GPHN: variants seen among roughly 807,000 people sequenced by gnomAD.
The protein encoded by GPHN is gephyrin.
Under a neutral mutation model 95.5 loss-of-function variants are expected in GPHN, and 17 were observed. That is an observed-to-expected ratio of 0.18 (90% CI 0.12 to 0.27). The LOEUF (loss-of-function observed/expected upper bound fraction) is 0.27, where lower values mean the gene tolerates loss of function less well. GPHN is among the 10% of genes least tolerant of loss of function. GPHN has a pLI of 1.00. For synonymous variants in GPHN, 320 were observed against 322.5 expected (o/e 0.99, Z 0.08); for missense variants, 660 against 978.1 (o/e 0.67, Z 4.34).
chr14:67,206,944 G>C, the GPHN span, among the ~76,000 whole-genome samples: 1 of 151,960 alleles, frequency 6.6e-6, no homozygotes, highest in African/African-American at 2.4e-5. Flanking sequence ...TGCCCAAGCT[G>C]GTCTCAAACT....
intron 15 of GPHN, 56 bp from the exon 16 acceptor site, chr14:67,112,962 G>C: frequency 2.6e-6 from 4 of 1,548,776 alleles, no homozygotes; most frequent in Non-Finnish European, 3.6e-6. Context: ...TTCCCTCTGA[G>C]TTGAGAAAAT....
At chr14:67,035,965 TA>T (rs376482619) in intron 10 of GPHN, among the ~76,000 whole-genome samples, 2,155 of 151,568 alleles carry the variant, frequency 0.014, 28 homozygotes, top group African/African-American at 0.025. Flanking sequence ...AGATAACTGA[TA>T]AAAAAAATTG....
intron 2 of GPHN, among the ~76,000 whole-genome samples, chr14:66,762,107 T>C (rs1032355565): frequency 6.6e-6 from 1 of 150,664 alleles, no homozygotes; most frequent in African/African-American, 2.5e-5. Context: ...TGTTCATTAT[T>C]TGCACATAAA....
chr14:66,775,295 A>G (rs2059341464), intron 2 of GPHN, among the ~76,000 whole-genome samples: 2 of 152,240 alleles, frequency 1.3e-5, no homozygotes, highest in Admixed American at 6.5e-5. Context: ...GTATACTTAT[A>G]AGTGCAGATA....
chr14:67,054,982 C>T (rs1313423993), intron 10 of GPHN, among the ~76,000 whole-genome samples: 1 of 152,168 alleles, frequency 6.6e-6, no homozygotes, highest in African/African-American at 2.4e-5. Flanking sequence ...AAACCCAAAA[C>T]TGTAAAAATC....
intron 6 of GPHN, among the ~76,000 whole-genome samples, chr14:66,917,410 A>G (rs569143053): frequency 1.3e-4 from 20 of 152,182 alleles, no homozygotes; most frequent in Non-Finnish European, 1.5e-4. Context: ...GCTAAGAAAC[A>G]ATGTCATCTC....
the GPHN span, among the ~76,000 whole-genome samples, chr14:67,187,861 C>G: frequency 2.6e-5 from 4 of 152,166 alleles, no homozygotes; most frequent in African/African-American, 7.2e-5. Context: ...TTCATCTGTG[C>G]TCCTAGAATC....
chr14:67,254,504 C>T, the GPHN span, among the ~76,000 whole-genome samples: 23,459 of 152,098 alleles, frequency 0.15, 3,416 homozygotes, highest in East Asian at 0.42. Flanking sequence ...TAATTGTACT[C>T]TAAACCTGTT....
chr14:66,755,822 G>A (rs1265057516), intron 2 of GPHN, among the ~76,000 whole-genome samples: 2 of 152,012 alleles, frequency 1.3e-5, no homozygotes. Flanking sequence ...TCTCTAAAGT[G>A]GACAAAAGGA....
At chr14:67,122,431 G>C (rs565443338) in intron 17 of GPHN, 54 bp downstream of exon 17, 1 of 1,505,332 alleles carries the variant, frequency 6.6e-7, no homozygotes. Flanking sequence ...ACGAGTTTTT[G>C]GAATACTCAT....
At chr14:67,661,806 T>C in the GPHN span, among the ~76,000 whole-genome samples, 1 of 152,136 alleles carries the variant, frequency 6.6e-6, no homozygotes, top group South Asian at 2.1e-4. Flanking sequence ...AGTGTTGGGA[T>C]TGCAAGCGTG....
At chr14:67,499,916 G>A in the GPHN span, among the ~76,000 whole-genome samples, 13 of 152,164 alleles carry the variant, frequency 8.5e-5, 1 homozygote, top group East Asian at 2.5e-3. Flanking sequence ...GACACCTGGG[G>A]GCTGCGGATT....
the GPHN span, chr14:67,203,037 G>A: frequency 6.4e-7 from 1 of 1,555,986 alleles, no homozygotes; most frequent in Non-Finnish European, 8.7e-7. Flanking sequence ...AGGCAAGCAA[G>A]GTTGTCAAAG....
At chr14:66,979,944 G>A (rs1242608771) in intron 9 of GPHN, among the ~76,000 whole-genome samples, 2 of 151,996 alleles carry the variant, frequency 1.3e-5, no homozygotes, top group African/African-American at 2.4e-5. Flanking sequence ...CCACAGAGAG[G>A]TAGAAAGACA....
intron 1 of GPHN, among the ~76,000 whole-genome samples, chr14:66,645,565 A>G (rs955301451): frequency 2.0e-5 from 3 of 151,838 alleles, no homozygotes; most frequent in African/African-American, 7.3e-5. Context: ...GGTGGTGGGC[A>G]CTTGCAATCC....
At chr14:67,638,441 C>T in the GPHN span, among the ~76,000 whole-genome samples, 1 of 152,034 alleles carries the variant, frequency 6.6e-6, no homozygotes, top group African/African-American at 2.4e-5. Context: ...AGGTTTGGGA[C>T]CTCTGATATA....
chr14:66,760,616 T>C (rs1017325768), intron 2 of GPHN: 11 of 396,574 alleles, frequency 2.8e-5, no homozygotes, highest in African/African-American at 2.3e-4. Context: ...TTGCAAGGTG[T>C]TCAGATTTTG....
At chr14:66,624,321 C>A (rs72726416) in intron 1 of GPHN, among the ~76,000 whole-genome samples, 8,816 of 152,232 alleles carry the variant, frequency 0.058, 350 homozygotes, top group Middle Eastern at 0.099. Context: ...CTGTGAGACA[C>A]CTTGGTCCGT....
intron 1 of GPHN, among the ~76,000 whole-genome samples, chr14:66,674,281 G>T (rs1161574695): frequency 1.3e-5 from 2 of 151,834 alleles, no homozygotes; most frequent in Non-Finnish European, 2.9e-5. Flanking sequence ...TGTATTTTTA[G>T]TAGAGACGGG....
Sources: allele counts gnomAD v4.1 joint callset (sites outside exome capture counted in the v4.1 genomes callset), GRCh38; gene constraint gnomAD v4.1.1; transcripts MANE v1.5; gene names NCBI Gene and HGNC (gene_info 2026-07-23, HGNC 2026-07-21).